Variants in DCAF1 observed in about 807,000 individuals in gnomAD.
DCAF1 encodes DDB1 and CUL4 associated factor 1, also known as DDB1- and CUL4-associated factor 1.
A neutral mutation model predicts 128.0 loss-of-function variants in DCAF1; 15 were observed. The ratio of observed to expected loss-of-function variants is 0.12; its 90% CI spans 0.08 to 0.18. The LOEUF (loss-of-function observed/expected upper bound fraction) is 0.18, where lower values mean the gene tolerates loss of function less well. Among genes scored for constraint, DCAF1 ranks in the 10% least tolerant of loss-of-function variants. The pLI is 1.00. For synonymous variants in DCAF1, 610 were observed against 603.0 expected, an observed-to-expected ratio of 1.01 and a Z score of -0.17; for missense variants, 988 against 1,649.5, an observed-to-expected ratio of 0.60 and a Z score of 6.95.
chr3:51,423,671 C>T (rs1489107272), intron 13 of DCAF1, among the ~76,000 whole-genome samples: 1 of 150,492 alleles, frequency 6.6e-6, no homozygotes, highest in Non-Finnish European at 1.5e-5. Flanking sequence ...ATACAAAAAC[C>T]AGCCAGGCAT....
chr3:51,480,648 T>C (rs960953499), intron 3 of DCAF1, among the ~76,000 whole-genome samples: 1 of 148,542 alleles, frequency 6.7e-6, no homozygotes. Context: ...AGACTAATAC[T>C]ATGAGGGAGA....
At position 51,398,076 on chromosome 3, in the gene DCAF1, A is replaced by C. The variant is rs2089337104; in HGVS notation, c.*693T>G. On this transcript the variant is annotated 3_prime_UTR_variant, in exon 25 of 25. Transcript: ENST00000684031. ...ATGCTGCCCCCAAACCATGAAGGTG[A>C]GTGAATTTAGGCATTTACCCAGCAG... 1.3e-5 allele frequency: 2 copies of C among 154,332 alleles called. No homozygotes were observed. The highest frequency in any genetic ancestry group is 4.8e-5 in the African/African-American group (2 of 41,434). The allele number at this position is 154,332 out of a possible 1,614,324, so 9.6% of individuals were successfully genotyped here.
At chr3:51,447,705 C>A (rs1173155933) in intron 6 of DCAF1, among the ~76,000 whole-genome samples, 6 of 151,748 alleles carry the variant, frequency 4.0e-5, no homozygotes, top group African/African-American at 1.5e-4. Context: ...TCCAGCACTT[C>A]GGGAGGCCGA....
intron 24 of DCAF1, among the ~76,000 whole-genome samples, chr3:51,401,635 G>A (rs371254249): frequency 2.0e-5 from 3 of 152,170 alleles, no homozygotes; most frequent in Admixed American, 6.5e-5. Context: ...GCTAAAAGAG[G>A]CAGTAATTGT....
chr3:51,419,754 A>G lies in DCAF1; in HGVS notation c.3216T>C (p.Asp1072=), dbSNP rs782729024. The change falls in exon 15 of 25, where the codon GAT becomes GAC. Residue 1072 remains aspartate, a synonymous_variant. Coordinates refer to ENST00000684031, the MANE Select transcript of DCAF1 (RefSeq NM_001387579.1). The part of the protein sequence containing the change: ...KYGGVDGGCF[D]RHLIFSRFRP... ...CTTACCTGCTAAAGATAAGGTGCCTATCAAAGCATCCGCCATCCACCCCTC... is the reference window on the plus strand; with the variant it reads ...CTTACCTGCTAAAGATAAGGTGCCTGTCAAAGCATCCGCCATCCACCCCTC... 1.2e-6 allele frequency: 2 copies of G among 1,612,552 alleles called. No individual in the cohort carries two copies. Among genetic ancestry groups the G allele is most frequent in the Admixed American group, 3.3e-5 (2 of 59,912 alleles).
chr3:51,475,408 C>T (rs894186397), intron 3 of DCAF1, among the ~76,000 whole-genome samples: 1 of 151,764 alleles, frequency 6.6e-6, no homozygotes, highest in African/African-American at 2.4e-5. Context: ...TAGAGACCAG[C>T]CTGGACAATA....
intron 2 of DCAF1, among the ~76,000 whole-genome samples, chr3:51,491,928 T>G (rs1553658164): frequency 2.0e-5 from 3 of 151,454 alleles, no homozygotes; most frequent in African/African-American, 7.3e-5. Context: ...GAGGCCGAGG[T>G]GGGCAGATCA....
At chr3:51,419,098 T>A (rs1181514022) in intron 15 of DCAF1, among the ~76,000 whole-genome samples, 1 of 152,158 alleles carries the variant, frequency 6.6e-6, no homozygotes, top group Non-Finnish European at 1.5e-5. Flanking sequence ...CAGTGGCTCA[T>A]GCCTATAATC....
At chr3:51,418,968 T>G in intron 15 of DCAF1, 92 bp from the exon 16 acceptor site, 2 of 1,432,568 alleles carry the variant, frequency 1.4e-6, no homozygotes, top group East Asian at 2.6e-5. Flanking sequence ...CACAGAACAT[T>G]AATGTTTCAA....
intron 6 of DCAF1, among the ~76,000 whole-genome samples, chr3:51,450,076 C>T (rs988227338): frequency 2.6e-5 from 4 of 152,148 alleles, no homozygotes; most frequent in South Asian, 2.1e-4. Context: ...CCGGGTATGG[C>T]GGCTTATGCC....
upstream of DCAF1, chr3:51,500,062 C>G (rs1357903682): frequency 2.8e-5 from 4 of 143,684 alleles, no homozygotes; most frequent in Non-Finnish European, 6.0e-5. Context: ...CTCGCGCCTA[C>G]TTGGCGCGAG....
At chr3:51,502,213 A>C (rs1222826851), upstream of DCAF1, among the ~76,000 whole-genome samples, 1 of 152,170 alleles carries the variant, frequency 6.6e-6, no homozygotes, top group Non-Finnish European at 1.5e-5. Context: ...GCACTGCCTC[A>C]GTCTGCCACC....
chr3:51,466,767 T>C lies in DCAF1; in HGVS notation c.261+36A>G, dbSNP rs373980396. The C allele has an allele frequency of 8.0e-5, 128 of 1,591,326 alleles. No individual in the cohort carries two copies. The African/African-American group carries it at 1.5e-3, about 19-fold the overall frequency. ...ACAATAAAGATACAGCATCTACAGA[T>C]GATAATCGCTGGAGAAAAGTAAGAA... On this transcript the variant is annotated intron_variant, in intron 5 of 24. Coordinates refer to ENST00000684031, the MANE Select transcript of DCAF1 (RefSeq NM_001387579.1).
chr3:51,474,330 G>C (rs1705164647), intron 3 of DCAF1, among the ~76,000 whole-genome samples: 1 of 152,162 alleles, frequency 6.6e-6, no homozygotes, highest in African/African-American at 2.4e-5. Context: ...TGAGGCAGGA[G>C]AATCGCTTGA....
chr3:51,473,507 A>AC (rs1391351670), intron 3 of DCAF1, among the ~76,000 whole-genome samples: 2 of 148,958 alleles, frequency 1.3e-5, no homozygotes, highest in African/African-American at 4.9e-5. Context: ...AAAAACAAAA[A>AC]ACAAAACACC....
chr3:51,483,907 G>A, intron 2 of DCAF1, 71 bp from the exon 3 acceptor site: 4 of 1,062,200 alleles, frequency 3.8e-6, no homozygotes, highest in South Asian at 1.3e-5. Context: ...GTGAAGAAGG[G>A]GTAGAAAAGG....
At chr3:51,491,347 C>CA (rs1157221527) in intron 2 of DCAF1, among the ~76,000 whole-genome samples, 2,125 of 91,540 alleles carry the variant, frequency 0.023, 40 homozygotes, top group African/African-American at 0.06. Context: ...ACTATGTCTC[C>CA]AAAAAAAAAA....
intron 5 of DCAF1, among the ~76,000 whole-genome samples, chr3:51,464,225 G>A (rs1703902467): frequency 6.8e-6 from 1 of 147,830 alleles, no homozygotes; most frequent in African/African-American, 2.5e-5. Context: ...TCTTGACAAT[G>A]GTTAATGAAA....
intron 5 of DCAF1, among the ~76,000 whole-genome samples, chr3:51,464,737 A>G (rs1472977341): frequency 6.6e-6 from 1 of 152,076 alleles, no homozygotes; most frequent in Non-Finnish European, 1.5e-5. Flanking sequence ...AACAAGTAAT[A>G]CCATGAGTAA....
Sources: allele counts gnomAD v4.1 joint callset (sites outside exome capture counted in the v4.1 genomes callset), GRCh38; gene constraint gnomAD v4.1.1; transcripts MANE v1.5; gene names NCBI Gene and HGNC (gene_info 2026-07-23, HGNC 2026-07-21).